Variants in LRRC20 observed in about 807,000 individuals in gnomAD.
The protein encoded by LRRC20 is leucine-rich repeat-containing protein 20.
A neutral mutation model predicts 14.4 loss-of-function variants in LRRC20; 11 were observed. The ratio of observed to expected loss-of-function variants is 0.77; its 90% CI spans 0.48 to 1.27. LRRC20 has a LOEUF of 1.27. Among genes scored for constraint, LRRC20 ranks in the 50% most tolerant of loss-of-function variants. The pLI is 0.00. For missense variants in LRRC20, 219 were observed against 251.2 expected, an observed-to-expected ratio of 0.87 and a Z score of 0.87; for synonymous variants, 121 against 107.3, an observed-to-expected ratio of 1.13 and a Z score of -0.79.
intron 2 of LRRC20, among the ~76,000 whole-genome samples, chr10:70,356,286 A>G (rs960131259): frequency 2.0e-5 from 3 of 151,032 alleles, no homozygotes; most frequent in African/African-American, 7.3e-5. Context: ...CCAAGGTGGG[A>G]GGATCACTTA....
chr10:70,344,418 A>C (rs1418108004), intron 2 of LRRC20, among the ~76,000 whole-genome samples: 1 of 152,244 alleles, frequency 6.6e-6, no homozygotes, highest in Non-Finnish European at 1.5e-5. Context: ...TGCAAAAGGC[A>C]ATGATATTCC....
intron 2 of LRRC20, among the ~76,000 whole-genome samples, chr10:70,363,664 G>A (rs1843843058): frequency 1.3e-5 from 2 of 152,194 alleles, no homozygotes; most frequent in Admixed American, 6.5e-5. Flanking sequence ...ACAGAGAAGT[G>A]CCCACCCAGG....
In LRRC20 at chr10:70,376,859, G is replaced by A. The variant is rs759600711; in HGVS notation, c.-63-263C>T. 4.7e-5 allele frequency: 16 copies of A among 339,166 alleles called. No homozygotes were observed. The South Asian group carries it at 4.9e-4, about 10-fold the overall frequency. 21.0% of individuals were successfully genotyped at this position (339,166 alleles called of 1,614,324 possible). On this transcript the variant is annotated intron_variant, in intron 1 of 4. Transcript: ENST00000446961. ...CATGTGTGACCTCACCAGACATGGG[G>A]ACCAGGTCTGAGCCAGCAGCCAGGG...
chr10:70,306,187 G>A (rs189707100), intron 4 of LRRC20, among the ~76,000 whole-genome samples: 4 of 149,678 alleles, frequency 2.7e-5, no homozygotes, highest in Admixed American at 6.7e-5. Flanking sequence ...CCATACATAC[G>A]TCATGGCCCT....
chr10:70,329,113 A>G (rs149942860), intron 3 of LRRC20, among the ~76,000 whole-genome samples: 18 of 152,298 alleles, frequency 1.2e-4, no homozygotes, highest in African/African-American at 4.1e-4. Context: ...AAAAAATATT[A>G]CTCAGCACCT....
chr10:70,379,125 T>C (rs1844614183), intron 1 of LRRC20, among the ~76,000 whole-genome samples: 1 of 152,078 alleles, frequency 6.6e-6, no homozygotes, highest in South Asian at 2.1e-4. Flanking sequence ...TGAATACAGG[T>C]CAAGAGACTC....
intron 2 of LRRC20, among the ~76,000 whole-genome samples, chr10:70,370,457 G>GT (rs573897184): frequency 7.0e-4 from 107 of 152,272 alleles, no homozygotes; most frequent in African/African-American, 2.4e-3. Context: ...AGAATGTCCT[G>GT]TTACAGAAAA....
chr10:70,330,545 G>A (rs1842499744), intron 3 of LRRC20, among the ~76,000 whole-genome samples: 1 of 152,156 alleles, frequency 6.6e-6, no homozygotes, highest in Admixed American at 6.5e-5. Context: ...AACCCCTAGG[G>A]CTTTATGAAT....
chr10:70,360,978 C>T (rs1270522534), intron 2 of LRRC20, among the ~76,000 whole-genome samples: 2 of 150,028 alleles, frequency 1.3e-5, no homozygotes, highest in East Asian at 2.0e-4. Context: ...TGAGCCTAGA[C>T]GGTTGAGGCT....
rs11314061 is a variant in LRRC20 at position 70,311,222 on chromosome 10, ATT to A, written c.401-9716_401-9715del. Among the ~76,000 whole-genome samples, 507 of 86,316 alleles carry A rather than the reference ATT, an allele frequency of 5.9e-3. 9 individuals carry two copies. The South Asian group carries it at 0.07, about 12-fold the overall frequency. 56.6% of individuals were successfully genotyped at this position (86,316 alleles called of 152,430 possible). A position where few individuals can be genotyped will look rare whatever the true frequency, so the allele number is the denominator to read the frequency against. ...ACATCCAGGTTGTTTTCAACATTCC[ATT>A]TTTTTTTTTTTTTTTTTTTTTTGAG... On this transcript the variant is annotated intron_variant, in intron 4 of 4. Coordinates refer to ENST00000446961, the MANE Select transcript of LRRC20 (RefSeq NM_001278212.2).
chr10:70,302,772 G>A (rs1227062168), intron 4 of LRRC20, among the ~76,000 whole-genome samples: 6 of 150,548 alleles, frequency 4.0e-5, no homozygotes, highest in Admixed American at 1.3e-4. Context: ...GTGCAGTGGC[G>A]CGATCTCGAC....
intron 2 of LRRC20, among the ~76,000 whole-genome samples, chr10:70,361,109 G>A (rs1843704692): frequency 6.6e-6 from 1 of 151,808 alleles, no homozygotes; most frequent in Non-Finnish European, 1.5e-5. Context: ...GAGGCCAACA[G>A]ATTCAAGTTC....
intron 2 of LRRC20, among the ~76,000 whole-genome samples, chr10:70,341,250 A>C (rs752053823): frequency 1.3e-5 from 2 of 152,240 alleles, no homozygotes; most frequent in Non-Finnish European, 2.9e-5. Context: ...TTAAACACAG[A>C]GCACAGAGTT....
At chr10:70,329,330 G>C (rs76075927) in intron 3 of LRRC20, among the ~76,000 whole-genome samples, 2,500 of 152,284 alleles carry the variant, frequency 0.016, 89 homozygotes, top group African/African-American at 0.057. Flanking sequence ...TCTTCTTCTT[G>C]TTGTTTTATG....
In LRRC20 at chr10:70,324,648, G is replaced by A. The variant is rs958042087; in HGVS notation, c.233-618C>T. On this transcript the variant is annotated intron_variant, in intron 3 of 4. Coordinates refer to ENST00000446961, the MANE Select transcript of LRRC20 (RefSeq NM_001278212.2). ...GGGGGAGTCCCTCTGCTGGGAACCCGGCTGAGGCAGTACCAAGAGATGGGG... is the reference window on the plus strand; with the variant it reads ...GGGGGAGTCCCTCTGCTGGGAACCCAGCTGAGGCAGTACCAAGAGATGGGG... Among the ~76,000 whole-genome samples the A allele has an allele frequency of 5.3e-5, 8 of 152,222 alleles. 1 individual carries two copies. The highest frequency in any genetic ancestry group is 4.6e-4 in the Admixed American group (7 of 15,282).
rs77473384 is a variant in LRRC20 at position 70,381,954 on chromosome 10, C to A, written c.-64+595G>T. On this transcript the variant is annotated intron_variant, in intron 1 of 4. Transcript: ENST00000446961. ...TAGCCAGGCAAGGGTCCCCCAGCCC[C>A]GCGTGCCAGGATCCGCCTCACCCCC... 8.2e-3 allele frequency: 1,244 copies of A among 152,396 alleles called. 15 individuals carry two copies. The highest frequency in any genetic ancestry group is 0.047 in the South Asian group (225 of 4,826). 9.4% of individuals were successfully genotyped at this position (152,396 alleles called of 1,614,324 possible).
chr10:70,359,788 T>C lies in LRRC20; in HGVS notation c.82+16664A>G, dbSNP rs140564306. Among the ~76,000 whole-genome samples the C allele has an allele frequency of 3.7e-3, 565 of 152,312 alleles. 5 individuals carry two copies. Among genetic ancestry groups the C allele is most frequent in the African/African-American group, 0.013 (549 of 41,556 alleles). On this transcript the variant is annotated intron_variant, in intron 2 of 4. Transcript: ENST00000446961. ...AATGTTCTCCCTTAGCTTCAAAAGT[T>C]CTCGTCAACACTGTATTTCAAGGAC...
chr10:70,367,999 T>TTATGTTATGTTATG (rs1844094441), intron 2 of LRRC20, among the ~76,000 whole-genome samples: 27 of 146,020 alleles, frequency 1.8e-4, no homozygotes, highest in Non-Finnish European at 2.3e-4. Flanking sequence ...TATGTTATTT[T>TTATGTTATGTTATG]TTGAGATGGA....
intron 2 of LRRC20, among the ~76,000 whole-genome samples, chr10:70,370,608 C>T (rs1358526908): frequency 2.0e-5 from 3 of 151,942 alleles, no homozygotes; most frequent in African/African-American, 7.3e-5. Flanking sequence ...CCAGGTGTGG[C>T]GGCACACACC....
Sources: allele counts gnomAD v4.1 joint callset (sites outside exome capture counted in the v4.1 genomes callset), GRCh38; gene constraint gnomAD v4.1.1; transcripts MANE v1.5; gene names NCBI Gene and HGNC (gene_info 2026-07-23, HGNC 2026-07-21).